Variants in DPH6 observed in about 807,000 individuals in gnomAD.
The protein encoded by DPH6 is diphthine--ammonia ligase.
In DPH6, 33 loss-of-function variants were observed where a neutral mutation model predicts 38.2. The observed-to-expected ratio is 0.86, with a 90% CI of 0.65 to 1.15. DPH6 has a LOEUF of 1.15. Among genes scored for constraint, DPH6 ranks in the 50% most tolerant of loss-of-function variants. DPH6 has a pLI of 0.00. For missense variants in DPH6, 325 were observed against 320.0 expected (o/e 1.02, Z -0.12); for synonymous variants, 108 against 103.0 (o/e 1.05, Z -0.30).
chr15:35,425,748 C>G (rs546228799), intron 5 of DPH6, among the ~76,000 whole-genome samples: 3 of 148,056 alleles, frequency 2.0e-5, no homozygotes, highest in African/African-American at 7.4e-5. Context: ...TAGACTCAAT[C>G]TATTCCAAAA....
chr15:35,484,478 G>A (rs892164033), intron 3 of DPH6, among the ~76,000 whole-genome samples: 3 of 152,144 alleles, frequency 2.0e-5, no homozygotes, highest in African/African-American at 7.2e-5. Context: ...TCATTTATAT[G>A]GCCGTTGGCA....
intron 3 of DPH6, among the ~76,000 whole-genome samples, chr15:35,517,869 A>G (rs1275891797): frequency 1.3e-5 from 2 of 152,098 alleles, no homozygotes; most frequent in Non-Finnish European, 2.9e-5. Flanking sequence ...GCTTTTAATT[A>G]TACTGAAGAC....
intron 3 of DPH6, among the ~76,000 whole-genome samples, chr15:35,484,035 C>T (rs1348797403): frequency 6.6e-6 from 1 of 152,108 alleles, no homozygotes; most frequent in Non-Finnish European, 1.5e-5. Context: ...GATATGTGAG[C>T]AAGAGTGACT....
At chr15:35,520,957 G>C (rs1443961574) in intron 3 of DPH6, 3 of 985,022 alleles carry the variant, frequency 3.0e-6, no homozygotes, top group Non-Finnish European at 3.6e-6. Context: ...AAATCAAAGT[G>C]CAGAACTGTG....
chr15:35,479,304 C>T (rs1162838305), intron 3 of DPH6, among the ~76,000 whole-genome samples: 1 of 152,060 alleles, frequency 6.6e-6, no homozygotes, highest in Non-Finnish European at 1.5e-5. Context: ...TACTGTCTAC[C>T]TATGAGTATA....
intron 3 of DPH6, among the ~76,000 whole-genome samples, chr15:35,325,141 T>C (rs751731160): frequency 5.9e-5 from 9 of 152,196 alleles, no homozygotes; most frequent in Non-Finnish European, 5.9e-5. Flanking sequence ...AGTTTGAAGT[T>C]TGACATTTTC....
intron 3 of DPH6, among the ~76,000 whole-genome samples, chr15:35,500,915 A>AT (rs1243319189): frequency 6.6e-6 from 1 of 151,930 alleles, no homozygotes; most frequent in Non-Finnish European, 1.5e-5. Flanking sequence ...TAATTTTTGT[A>AT]TTTTTAGTAG....
chr15:35,360,730 G>A (rs2052607172), intron 3 of DPH6, among the ~76,000 whole-genome samples: 1 of 152,166 alleles, frequency 6.6e-6, no homozygotes, highest in African/African-American at 2.4e-5. Flanking sequence ...TGGGATGGCA[G>A]GACTGTCTCT....
At chr15:35,208,562 C>T in the DPH6 span, among the ~76,000 whole-genome samples, 2 of 152,222 alleles carry the variant, frequency 1.3e-5, no homozygotes, top group Admixed American at 6.5e-5. Context: ...CAAGAGGCAG[C>T]ATGACCTCAT....
intron 3 of DPH6, among the ~76,000 whole-genome samples, chr15:35,320,540 T>C (rs1466113978): frequency 6.6e-6 from 1 of 152,150 alleles, no homozygotes; most frequent in Non-Finnish European, 1.5e-5. Context: ...GCAAGGAGAG[T>C]GCTGGTGCAA....
chr15:35,417,170 T>A (rs1219081784), intron 5 of DPH6, among the ~76,000 whole-genome samples: 1 of 152,088 alleles, frequency 6.6e-6, no homozygotes, highest in Non-Finnish European at 1.5e-5. Context: ...CCTCATTTAC[T>A]AACATCTAAG....
intron 3 of DPH6, among the ~76,000 whole-genome samples, chr15:35,359,039 C>T (rs1416196262): frequency 6.6e-6 from 1 of 151,982 alleles, no homozygotes; most frequent in Non-Finnish European, 1.5e-5. Flanking sequence ...CTCAGACTCT[C>T]CGTGGGCGTG....
chr15:35,158,565 T>A, the DPH6 span, among the ~76,000 whole-genome samples: 2 of 152,046 alleles, frequency 1.3e-5, no homozygotes, highest in Non-Finnish European at 2.9e-5. Context: ...TAAGAAAAAC[T>A]AGAAAAACTG....
chr15:35,389,052 C>T (rs1233383386), intron 6 of DPH6, among the ~76,000 whole-genome samples: 3 of 152,090 alleles, frequency 2.0e-5, no homozygotes, highest in Non-Finnish European at 4.4e-5. Context: ...TCTTTGTTCT[C>T]GTTGGTTTCA....
At chr15:35,238,190 G>A (rs1185338999) in intron 3 of DPH6, 37 of 440,686 alleles carry the variant, frequency 8.4e-5, no homozygotes, top group Middle Eastern at 7.1e-4. Flanking sequence ...CTGTGGGAAC[G>A]AGAGGGGAAA....
intron 4 of DPH6, among the ~76,000 whole-genome samples, chr15:35,452,960 C>CT (rs1432962178): frequency 1.3e-5 from 2 of 152,234 alleles, no homozygotes; most frequent in African/African-American, 4.8e-5. Context: ...GAAGAAAAAA[C>CT]TTTTTGTCCA....
At chr15:35,530,270 A>G (rs2055067091) in intron 3 of DPH6, among the ~76,000 whole-genome samples, 1 of 152,150 alleles carries the variant, frequency 6.6e-6, no homozygotes, top group South Asian at 2.1e-4. Flanking sequence ...GACATCTACA[A>G]AAGGTTTCTT....
At chr15:35,496,567 A>AAATATATATAGATATAT in intron 3 of DPH6, among the ~76,000 whole-genome samples, 1 of 31,016 alleles carries the variant, frequency 3.2e-5, no homozygotes, top group Non-Finnish European at 5.3e-5. Flanking sequence ...AAAAAAAAAA[A>AAATATATATAGATATAT]ATATATATAT....
chr15:35,334,585 G>A (rs776045093), intron 3 of DPH6, among the ~76,000 whole-genome samples: 4 of 151,940 alleles, frequency 2.6e-5, no homozygotes, highest in Non-Finnish European at 4.4e-5. Context: ...GCCCCTGTGT[G>A]TGTTGTTCCC....
Sources: allele counts gnomAD v4.1 joint callset (sites outside exome capture counted in the v4.1 genomes callset), GRCh38; gene constraint gnomAD v4.1.1; transcripts MANE v1.5; gene names NCBI Gene and HGNC (gene_info 2026-07-23, HGNC 2026-07-21).